Variants in FNIP1 observed in about 807,000 individuals in gnomAD.
FNIP1 encodes the protein folliculin interacting protein 1, also known as folliculin-interacting protein 1.
Under a neutral mutation model 124.5 loss-of-function variants are expected in FNIP1, and 40 were observed. That is an observed-to-expected ratio of 0.32 (90% CI 0.25 to 0.42). FNIP1 has a LOEUF of 0.42. Ranked by LOEUF, FNIP1 falls within the 10% of genes least tolerant of loss-of-function variation. FNIP1 has a pLI of 1.00. For missense variants in FNIP1, 1,176 were observed against 1,403.7 expected, an observed-to-expected ratio of 0.84 and a Z score of 2.59; for synonymous variants, 472 against 470.6, an observed-to-expected ratio of 1.00 and a Z score of -0.04.
intron 3 of FNIP1, among the ~76,000 whole-genome samples, chr5:131,725,287 T>C (rs1214780431): frequency 6.6e-6 from 1 of 152,230 alleles, no homozygotes; most frequent in Non-Finnish European, 1.5e-5. Flanking sequence ...TAAATTACTA[T>C]AGGCATGATA....
At position 131,643,415 on chromosome 5, in the gene FNIP1, T is replaced by C. The variant is rs1014998140; in HGVS notation, c.*1270A>G. On this transcript the variant is annotated 3_prime_UTR_variant, in exon 18 of 18. Transcript: ENST00000510461. The stretch of plus-strand genomic sequence containing the variant: ...CCAACTTTACTACTAGCATTAAAAG[T>C]CTCTTAGACCAGATAAGCAAAGAAT... The C allele has an allele frequency of 6.5e-6, 1 of 152,760 alleles. No individual in the cohort carries two copies. The allele number at this position is 152,760 out of a possible 1,614,324, so 9.5% of individuals were successfully genotyped here. A position where few individuals can be genotyped will look rare whatever the true frequency, so the allele number is the denominator to read the frequency against.
At chr5:131,645,054 T>A (rs1281567279) in intron 17 of FNIP1, among the ~76,000 whole-genome samples, 1 of 152,140 alleles carries the variant, frequency 6.6e-6, no homozygotes, top group Non-Finnish European at 1.5e-5. Context: ...GTGAGGTGAC[T>A]CGTGCCTGTA....
chr5:131,650,527 A>T (rs1767009264), intron 16 of FNIP1, among the ~76,000 whole-genome samples: 1 of 152,238 alleles, frequency 6.6e-6, no homozygotes, highest in Non-Finnish European at 1.5e-5. Context: ...TGGGATCTTT[A>T]TGTTTTCTAT....
chr5:131,778,709 C>A (rs1171645476), intron 1 of FNIP1, among the ~76,000 whole-genome samples: 1 of 87,788 alleles, frequency 1.1e-5, no homozygotes, highest in East Asian at 2.7e-4. Flanking sequence ...ATGTTTATTG[C>A]GGCATTATTC....
chr5:131,776,462 T>A (rs1771809781), intron 1 of FNIP1, among the ~76,000 whole-genome samples: 1 of 152,096 alleles, frequency 6.6e-6, no homozygotes, highest in Non-Finnish European at 1.5e-5. Context: ...TTCTTAATAG[T>A]CAAAAATTGG....
chr5:131,674,039 A>G (rs1767842510), intron 13 of FNIP1, among the ~76,000 whole-genome samples: 1 of 151,976 alleles, frequency 6.6e-6, no homozygotes, highest in African/African-American at 2.4e-5. Flanking sequence ...TCCGTCTCAA[A>G]AAAATAAAAA....
chr5:131,652,702 A>G (rs1272393912), intron 15 of FNIP1, among the ~76,000 whole-genome samples: 1 of 152,152 alleles, frequency 6.6e-6, no homozygotes, highest in Non-Finnish European at 1.5e-5. Context: ...GTTCACATCT[A>G]TATAATCCCA....
At chr5:131,791,093 TAAAAC>T (rs951680785) in intron 1 of FNIP1, among the ~76,000 whole-genome samples, 7 of 152,116 alleles carry the variant, frequency 4.6e-5, no homozygotes, top group Non-Finnish European at 7.4e-5. Context: ...AGATGATAAT[TAAAAC>T]AAAAAACCTG....
chr5:131,755,442 GAAGAAA>G (rs996728548), intron 1 of FNIP1, among the ~76,000 whole-genome samples: 1 of 150,528 alleles, frequency 6.6e-6, no homozygotes, highest in Non-Finnish European at 1.5e-5. Flanking sequence ...AAACGAAGAA[GAAGAAA>G]AAGAAAAAGA....
chr5:131,733,226 T>G (rs1483106230), intron 2 of FNIP1, among the ~76,000 whole-genome samples: 1 of 152,240 alleles, frequency 6.6e-6, no homozygotes, highest in Admixed American at 6.5e-5. Context: ...AAGGAGATTT[T>G]GGGCTGAGAC....
intron 11 of FNIP1, among the ~76,000 whole-genome samples, chr5:131,689,244 A>G (rs1478201090): frequency 6.6e-6 from 1 of 152,130 alleles, no homozygotes; most frequent in African/African-American, 2.4e-5. Flanking sequence ...ATTCAAAAGG[A>G]AAAGAGAAAG....
rs1235963672 is a variant in FNIP1, at chr5:131,796,635, G to A, written c.92+195C>T. Reference sequence around the variant, plus strand: ...GGGAAGGGGCAACGGCGAGGCGGGTGGGGTAAAATAAAAGGTAGGACCTCG... The same window carrying A: ...GGGAAGGGGCAACGGCGAGGCGGGTAGGGTAAAATAAAAGGTAGGACCTCG... On this transcript the variant is annotated intron_variant, in intron 1 of 17. Coordinates refer to ENST00000510461, the MANE Select transcript of FNIP1 (RefSeq NM_133372.3). 3 of 575,618 alleles carry A rather than the reference G, an allele frequency of 5.2e-6. No individual in the cohort carries two copies. In the South Asian group the frequency reaches 6.5e-5, roughly 13 times the overall value. 35.7% of individuals were successfully genotyped at this position (575,618 alleles called of 1,614,324 possible).
intron 10 of FNIP1, among the ~76,000 whole-genome samples, chr5:131,702,312 G>C (rs1768929781): frequency 6.6e-6 from 1 of 152,110 alleles, no homozygotes; most frequent in Admixed American, 6.5e-5. Context: ...TAGTAGCTGA[G>C]ACTACTAGTG....
In FNIP1 at chr5:131,716,018, A is replaced by T. The variant is rs1409050702; in HGVS notation, c.622+547T>A. 3.3e-5 allele frequency among the ~76,000 whole-genome samples: 5 copies of T among 152,356 alleles called. No individual in the cohort carries two copies. The East Asian group carries it at 9.6e-4, about 29-fold the overall frequency. ...TCTAGAAAAAATGACCAGAAATTTT[A>T]GAAAGTCTGTCACTTTAAAATGTGG... On this transcript the variant is annotated intron_variant, in intron 6 of 17. Coordinates refer to ENST00000510461, the MANE Select transcript of FNIP1 (RefSeq NM_133372.3).
chr5:131,693,321 T>TATAA (rs1561658274), intron 11 of FNIP1, among the ~76,000 whole-genome samples: 2 of 91,988 alleles, frequency 2.2e-5, no homozygotes, highest in African/African-American at 5.1e-5. Flanking sequence ...TATATACACA[T>TATAA]ATATATATAT....
chr5:131,687,763 T>G (rs571933177), intron 11 of FNIP1, among the ~76,000 whole-genome samples: 1 of 152,308 alleles, frequency 6.6e-6, no homozygotes, highest in Non-Finnish European at 1.5e-5. Context: ...TGCTGAAGAA[T>G]GAGTGTGAAT....
chr5:131,763,830 G>A (rs542709984), intron 1 of FNIP1, among the ~76,000 whole-genome samples: 128 of 152,180 alleles, frequency 8.4e-4, no homozygotes, highest in Middle Eastern at 3.4e-3. Context: ...AAACAACTGC[G>A]AGCATATGGT....
chr5:131,738,759 G>A (rs1166950229), intron 2 of FNIP1, among the ~76,000 whole-genome samples: 2 of 151,096 alleles, frequency 1.3e-5, no homozygotes, highest in Non-Finnish European at 2.9e-5. Context: ...ACCCTCCTCA[G>A]CCTTTCAGCC....
In FNIP1 at chr5:131,647,113, G is replaced by A; in HGVS notation, c.3399C>T (p.Val1133=). The A allele has an allele frequency of 6.2e-7, 1 of 1,614,118 alleles. No homozygotes were observed. The highest frequency in any genetic ancestry group is 8.5e-7 in the Non-Finnish European group (1 of 1,179,988). The change falls in exon 17 of 18, where the codon GTC becomes GTT. Residue 1133 remains valine, a synonymous_variant. Coordinates refer to ENST00000510461, the MANE Select transcript of FNIP1 (RefSeq NM_133372.3). ...ACCCCAGAACCACTCCCAGCTCCTT[G>A]ACATGAACACGCATCTGCCCCCTCA... ...EYLRGQMRVH[V]KELGVVLGIE...
Sources: gnomAD v4.1 joint callset for allele counts (sites outside exome capture counted in the v4.1 genomes callset) on GRCh38, gnomAD v4.1.1 for gene constraint, MANE v1.5 for transcripts, NCBI Gene and HGNC (gene_info 2026-07-23, HGNC 2026-07-21) for gene names.